DOK6: variants seen among roughly 807,000 people sequenced by gnomAD.
DOK6 encodes the protein downstream of tyrosine kinase 6.
A neutral mutation model predicts 44.0 loss-of-function variants in DOK6; 22 were observed. That is an observed-to-expected ratio of 0.50 (90% CI 0.36 to 0.71). The LOEUF (loss-of-function observed/expected upper bound fraction) is 0.71. Ranked by LOEUF, DOK6 falls within the 30% of genes least tolerant of loss-of-function variation. DOK6 has a pLI of 0.00. For synonymous variants in DOK6, 166 were observed against 145.5 expected (o/e 1.14, Z -1.01); for missense variants, 340 against 416.4 (o/e 0.82, Z 1.60).
chr18:69,638,045 C>T (rs9319790), intron 3 of DOK6, among the ~76,000 whole-genome samples: 14,068 of 152,134 alleles, frequency 0.092, 742 homozygotes, highest in East Asian at 0.17. Context: ...TCCTAATTCC[C>T]TGATCAATAT....
intron 1 of DOK6, among the ~76,000 whole-genome samples, chr18:69,541,851 G>A (rs1219765643): frequency 6.6e-6 from 1 of 151,506 alleles, no homozygotes; most frequent in Non-Finnish European, 1.5e-5. Context: ...GTATTGATAG[G>A]AAAAAGTAAT....
intron 5 of DOK6, among the ~76,000 whole-genome samples, chr18:69,721,002 T>C (rs1986994204): frequency 6.6e-6 from 1 of 152,200 alleles, no homozygotes; most frequent in Non-Finnish European, 1.5e-5. Context: ...CTTGACTTTA[T>C]CATTTTTATT....
chr18:69,657,813 C>G (rs893554682), intron 3 of DOK6, among the ~76,000 whole-genome samples: 1 of 152,136 alleles, frequency 6.6e-6, no homozygotes, highest in Non-Finnish European at 1.5e-5. Flanking sequence ...CTGCGTTCTA[C>G]CAGACCTAAG....
At chr18:69,480,155 T>C (rs1980378051) in intron 1 of DOK6, among the ~76,000 whole-genome samples, 4 of 152,132 alleles carry the variant, frequency 2.6e-5, no homozygotes, top group African/African-American at 9.7e-5. Flanking sequence ...CAAAATAAGT[T>C]TAACTTTAAG....
At chr18:69,468,724 G>A (rs747140893) in intron 1 of DOK6, among the ~76,000 whole-genome samples, 51 of 150,750 alleles carry the variant, frequency 3.4e-4, no homozygotes, top group Non-Finnish European at 4.3e-4. Context: ...ATACAATGTA[G>A]GGCAATTTTA....
chr18:69,607,230 T>C (rs535678796), intron 3 of DOK6, among the ~76,000 whole-genome samples: 16 of 152,266 alleles, frequency 1.1e-4, no homozygotes, highest in Non-Finnish European at 1.8e-4. Flanking sequence ...AGCAGTTTCC[T>C]GGTAGTCGCA....
At chr18:69,549,523 T>A (rs1164693661) in intron 1 of DOK6, among the ~76,000 whole-genome samples, 1 of 151,604 alleles carries the variant, frequency 6.6e-6, no homozygotes, top group East Asian at 1.9e-4. Flanking sequence ...CATTACCCCA[T>A]TTGTCCAGTC....
intron 1 of DOK6, among the ~76,000 whole-genome samples, chr18:69,443,994 A>T (rs144836777): frequency 2.0e-5 from 3 of 152,264 alleles, no homozygotes; most frequent in African/African-American, 7.2e-5. Context: ...CAATACACAT[A>T]TACATACATT....
chr18:69,481,960 T>C (rs1315933800), intron 1 of DOK6, among the ~76,000 whole-genome samples: 1 of 152,242 alleles, frequency 6.6e-6, no homozygotes, highest in African/African-American at 2.4e-5. Flanking sequence ...GATTTGCATT[T>C]CTCTGATGGC....
chr18:69,629,302 TGA>T (rs1333854676), intron 3 of DOK6, among the ~76,000 whole-genome samples: 1 of 152,214 alleles, frequency 6.6e-6, no homozygotes. Context: ...GCTCAGTATA[TGA>T]GAGTTCAGTT....
chr18:69,636,374 G>A (rs979343040), intron 3 of DOK6, among the ~76,000 whole-genome samples: 19 of 152,136 alleles, frequency 1.2e-4, no homozygotes, highest in South Asian at 2.1e-4. Flanking sequence ...CTTGTCACAC[G>A]TCCTTAATTA....
intron 3 of DOK6, among the ~76,000 whole-genome samples, chr18:69,644,100 T>G (rs1009212082): frequency 6.6e-6 from 1 of 152,204 alleles, no homozygotes; most frequent in African/African-American, 2.4e-5. Context: ...AGGTGGATAT[T>G]GGTTTCATTT....
intron 7 of DOK6, among the ~76,000 whole-genome samples, chr18:69,820,670 AC>A (rs1981543535): frequency 6.6e-6 from 1 of 152,192 alleles, no homozygotes; most frequent in South Asian, 2.1e-4. Flanking sequence ...GTTTCTAAAT[AC>A]CAAAATAACA....
intron 7 of DOK6, among the ~76,000 whole-genome samples, chr18:69,835,106 A>G (rs1982006438): frequency 6.6e-6 from 1 of 152,170 alleles, no homozygotes; most frequent in Non-Finnish European, 1.5e-5. Flanking sequence ...CTCCCTCAAC[A>G]TCTGGGGATT....
At chr18:69,628,496 T>C (rs939687649) in intron 3 of DOK6, among the ~76,000 whole-genome samples, 5 of 151,764 alleles carry the variant, frequency 3.3e-5, no homozygotes, top group African/African-American at 1.2e-4. Flanking sequence ...TCTCAAAATA[T>C]ATATATATAT....
chr18:69,713,855 C>T (rs1232054071), intron 5 of DOK6, among the ~76,000 whole-genome samples: 4 of 152,154 alleles, frequency 2.6e-5, no homozygotes, highest in Non-Finnish European at 4.4e-5. Flanking sequence ...CACCATGAAA[C>T]GTGATGCTAC....
intron 1 of DOK6, among the ~76,000 whole-genome samples, chr18:69,420,374 TA>T (rs1455027874): frequency 6.6e-6 from 1 of 152,188 alleles, no homozygotes; most frequent in Non-Finnish European, 1.5e-5. Context: ...AATGTTCTAT[TA>T]GGAATCATCC....
chr18:69,835,487 A>C (rs5010937), intron 7 of DOK6, among the ~76,000 whole-genome samples: 39 of 36,868 alleles, frequency 1.1e-3, no homozygotes, highest in South Asian at 3.0e-3. Flanking sequence ...ACAACAACAA[A>C]AAAAAAAACA....
Position 69,607,212 on chromosome 18 carries a change from G to A in DOK6, c.289+7714G>A, listed in dbSNP as rs544572123. ...AACAAGCCAACCCCCTTACCCCCAG[G>A]GGGAGTGAGCAGTTTCCTGGTAGTC... On this transcript the variant is annotated intron_variant, in intron 3 of 7. Coordinates refer to ENST00000382713, the MANE Select transcript of DOK6 (RefSeq NM_152721.6). 3.9e-5 allele frequency among the ~76,000 whole-genome samples: 6 copies of A among 152,294 alleles called. No homozygotes were observed. In the South Asian group the frequency reaches 1.0e-3, roughly 26 times the overall value.
Sources: allele counts gnomAD v4.1 joint callset (sites outside exome capture counted in the v4.1 genomes callset), GRCh38; gene constraint gnomAD v4.1.1; transcripts MANE v1.5; gene names NCBI Gene and HGNC (gene_info 2026-07-23, HGNC 2026-07-21).